The following TNRC6B variants were observed in gnomAD, a reference collection of about 807,000 sequenced individuals.
TNRC6B encodes the protein trinucleotide repeat-containing gene 6B protein.
In TNRC6B, 52 loss-of-function variants were observed where a neutral mutation model predicts 203.6. The observed-to-expected ratio is 0.26, with a 90% CI of 0.20 to 0.32. TNRC6B has a LOEUF of 0.32. TNRC6B is among the 10% of genes least tolerant of loss of function. The pLI, the probability that TNRC6B is intolerant of heterozygous loss-of-function variation, is 1.00. For synonymous variants in TNRC6B, 838 were observed against 845.7 expected (o/e 0.99, Z 0.16); for missense variants, 1,923 against 2,286.2 (o/e 0.84, Z 3.24).
chr22:40,270,029 A>G (rs2070537084), intron 5 of TNRC6B, 93 bp from the exon 6 acceptor site: 2 of 1,245,200 alleles, frequency 1.6e-6, no homozygotes, highest in Admixed American at 2.4e-5. Flanking sequence ...CCAACAGAAT[A>G]TAGGCATGCC....
intron 4 of TNRC6B, among the ~76,000 whole-genome samples, chr22:40,169,676 A>G (rs951833075): frequency 6.6e-6 from 1 of 152,152 alleles, no homozygotes; most frequent in African/African-American, 2.4e-5. Context: ...TGTATTCTCC[A>G]TACAGAAACC....
chr22:40,079,445 A>G (rs1020804378), intron 1 of TNRC6B, among the ~76,000 whole-genome samples: 1 of 152,228 alleles, frequency 6.6e-6, no homozygotes, highest in Non-Finnish European at 1.5e-5. Context: ...TGCCACCAGA[A>G]TAAAATTTCC....
chr22:40,164,660 G>C (rs1328874686), intron 4 of TNRC6B, among the ~76,000 whole-genome samples: 4 of 149,920 alleles, frequency 2.7e-5, no homozygotes, highest in African/African-American at 7.4e-5. Flanking sequence ...CTACTAGGAG[G>C]CTGAGGCAGG....
At chr22:40,117,532 G>A (rs571008095) in intron 2 of TNRC6B, among the ~76,000 whole-genome samples, 1 of 152,332 alleles carries the variant, frequency 6.6e-6, no homozygotes, top group African/African-American at 2.4e-5. Flanking sequence ...TCCAGTTGCT[G>A]CAGATGTTGT....
intron 2 of TNRC6B, among the ~76,000 whole-genome samples, chr22:40,117,688 T>C (rs1241720322): frequency 6.6e-6 from 1 of 152,154 alleles, no homozygotes; most frequent in Admixed American, 6.5e-5. Context: ...TGGTTGATGC[T>C]TTTCTCTTTT....
At chr22:40,287,686 T>C (rs1052152863) in intron 12 of TNRC6B, among the ~76,000 whole-genome samples, 1 of 152,234 alleles carries the variant, frequency 6.6e-6, no homozygotes, top group African/African-American at 2.4e-5. Flanking sequence ...TCCTTTGGTA[T>C]CAGGCTGACA....
At chr22:40,084,107 G>C (rs1023056372) in intron 1 of TNRC6B, among the ~76,000 whole-genome samples, 1 of 152,180 alleles carries the variant, frequency 6.6e-6, no homozygotes, top group African/African-American at 2.4e-5. Flanking sequence ...TGGAGTTTGA[G>C]AGAAGGAGAC....
intron 1 of TNRC6B, among the ~76,000 whole-genome samples, chr22:40,088,174 C>T (rs978475585): frequency 3.3e-5 from 5 of 152,112 alleles, no homozygotes; most frequent in African/African-American, 9.7e-5. Context: ...ATCCTCACAG[C>T]GACCTTATAA....
At chr22:40,163,953 A>G (rs1014089963) in intron 4 of TNRC6B, among the ~76,000 whole-genome samples, 5 of 152,164 alleles carry the variant, frequency 3.3e-5, no homozygotes, top group African/African-American at 1.2e-4. Context: ...TGTCTTGGTC[A>G]CTGCCTAGAG....
At chr22:40,302,267 C>T (rs2071033215) in intron 15 of TNRC6B, among the ~76,000 whole-genome samples, 1 of 152,064 alleles carries the variant, frequency 6.6e-6, no homozygotes, top group African/African-American at 2.4e-5. Context: ...TACCACACAC[C>T]ATCATAGTTT....
intron 3 of TNRC6B, among the ~76,000 whole-genome samples, chr22:40,136,371 T>TGTGTGTGTGTG (rs2068599012): frequency 7.1e-6 from 1 of 141,118 alleles, no homozygotes; most frequent in Non-Finnish European, 1.5e-5. Context: ...TATGTTTATC[T>TGTGTGTGTGTG]TGTGTGTGTG....
At position 40,273,535 on chromosome 22, in the gene TNRC6B, T is replaced by C. The variant is rs1167831860; in HGVS notation, c.3076T>C (p.Ser1026Pro). 2 of 1,595,180 alleles carry C rather than the reference T, an allele frequency of 1.3e-6. No homozygotes were observed. The highest frequency in any genetic ancestry group is 1.3e-5 in the African/African-American group (1 of 74,566). ...TGGAGGAGTCTGGAACACCACTGGC[T>C]CTCAGGGCAGTGCTTCCTCCCACAA... The part of the protein sequence containing the change: ...EDGGVWNTTG[S>P]QGSASSHNSA... The change falls in exon 7 of 23, where the codon TCT (serine) becomes CCT (proline). Residue 1026 changes from serine to proline, a missense_variant. Ser to Pro is a moderately conservative substitution (Grantham distance 74). Around this residue, in one of 8 missense-constraint regions of TNRC6B, gnomAD observed 599 missense variants for 656.5 expected, o/e 0.91. Transcript: ENST00000454349.
chr22:40,334,438 G>C lies in TNRC6B; in HGVS notation c.*11197G>C, dbSNP rs1223930841. Reference sequence around the variant, plus strand: ...AAAAAGCAGATACAACAGCTCAACTGTTCCCACTCCTAACTCTCCACTATG... The same window carrying C: ...AAAAAGCAGATACAACAGCTCAACTCTTCCCACTCCTAACTCTCCACTATG... On this transcript the variant is annotated 3_prime_UTR_variant, in exon 23 of 23. Coordinates refer to ENST00000454349, the MANE Select transcript of TNRC6B (RefSeq NM_001162501.2). 2 of 152,528 alleles carry C rather than the reference G, an allele frequency of 1.3e-5. No individual in the cohort carries two copies. The highest frequency in any genetic ancestry group is 2.9e-5 in the Non-Finnish European group (2 of 68,040). The allele number at this position is 152,528 out of a possible 1,614,324, so 9.4% of individuals were successfully genotyped here.
chr22:40,285,453 A>G (rs778951941), intron 11 of TNRC6B, among the ~76,000 whole-genome samples, 192 bp from the exon 12 acceptor site: 9 of 152,220 alleles, frequency 5.9e-5, no homozygotes, highest in Non-Finnish European at 1.0e-4. Context: ...TTCAAACTGT[A>G]CAGGTGCCCA....
chr22:40,248,737 G>A (rs1052537009), intron 2 of TNRC6B, among the ~76,000 whole-genome samples: 10 of 152,104 alleles, frequency 6.6e-5, no homozygotes, highest in African/African-American at 2.2e-4. Context: ...GAAAATTACC[G>A]TAAATAAAAT....
chr22:40,255,015 A>G (rs980153303), intron 3 of TNRC6B, among the ~76,000 whole-genome samples: 6 of 152,246 alleles, frequency 3.9e-5, no homozygotes, highest in Admixed American at 2.6e-4. Flanking sequence ...AGTTCGGGCC[A>G]GATTGGGCAA....
intron 15 of TNRC6B, among the ~76,000 whole-genome samples, chr22:40,305,158 C>T (rs2071073919): frequency 6.6e-6 from 1 of 152,092 alleles, no homozygotes; most frequent in Non-Finnish European, 1.5e-5. Flanking sequence ...GTAATTCTAG[C>T]AAAGACGCAT....
intron 1 of TNRC6B, among the ~76,000 whole-genome samples, chr22:40,181,234 C>T (rs937414472): frequency 3.3e-5 from 5 of 152,238 alleles, no homozygotes; most frequent in African/African-American, 1.2e-4. Flanking sequence ...CTCTTCAGCT[C>T]TACAAGAGAC....
chr22:40,285,822 T>A, intron 12 of TNRC6B, 52 bp downstream of exon 12: 1 of 1,597,946 alleles, frequency 6.3e-7, no homozygotes, highest in East Asian at 2.2e-5. Context: ...TTTCACATCA[T>A]TACCAGTTGT....
Sources: allele counts gnomAD v4.1 joint callset (sites outside exome capture counted in the v4.1 genomes callset), GRCh38; gene constraint gnomAD v4.1.1; regional missense constraint gnomAD v4.1.1; transcripts MANE v1.5; gene names NCBI Gene and HGNC (gene_info 2026-07-23, HGNC 2026-07-21).